Variants in NTN1 observed in about 807,000 individuals in gnomAD.
NTN1 encodes netrin-1.
In NTN1, 11 loss-of-function variants were observed where a neutral mutation model predicts 54.2. The observed-to-expected ratio is 0.20, with a 90% confidence interval of 0.13 to 0.34. The LOEUF is 0.34. Ranked by LOEUF, NTN1 falls within the 10% of genes least tolerant of loss-of-function variation. The probability of loss-of-function intolerance (pLI) is 1.00; values close to 1 mark genes in which losing one functional copy is unlikely to be tolerated. For synonymous variants in NTN1, 371 were observed against 382.0 expected, an observed-to-expected ratio of 0.97 and a Z score of 0.33; for missense variants, 740 against 893.1, an observed-to-expected ratio of 0.83 and a Z score of 2.18.
intron 2 of NTN1, among the ~76,000 whole-genome samples, chr17:9,118,288 G>T (rs1043974814): frequency 2.0e-5 from 3 of 152,218 alleles, no homozygotes; most frequent in Non-Finnish European, 2.9e-5. Flanking sequence ...GTGAGGCCGA[G>T]GTGGGTGGAT....
chr17:9,234,045 GC>G (rs1421450700), intron 6 of NTN1, among the ~76,000 whole-genome samples: 3 of 152,172 alleles, frequency 2.0e-5, no homozygotes, highest in Non-Finnish European at 2.9e-5. Context: ...GTTGACTCTG[GC>G]CCCCATGGAC....
chr17:9,155,561 A>C (rs905632003), intron 2 of NTN1, among the ~76,000 whole-genome samples: 8 of 151,816 alleles, frequency 5.3e-5, no homozygotes, highest in African/African-American at 1.9e-4. Flanking sequence ...GGCTGGTTTC[A>C]AACTCCTGAC....
chr17:9,212,365 T>C lies in NTN1; in HGVS notation c.1412-8803T>C, dbSNP rs952633863. ...ATCATGCCTCGCGCATGATGGCCCTTATGAAACCCACGGATGCCTGCGGCA... is the reference window on the plus strand; with the variant it reads ...ATCATGCCTCGCGCATGATGGCCCTCATGAAACCCACGGATGCCTGCGGCA... On this transcript the variant is annotated intron_variant, in intron 5 of 6. Transcript: ENST00000173229. This position sits in a 1 kb window ranked among gnomAD's most constrained non-coding sequence, Gnocchi z 5.5. Among the ~76,000 whole-genome samples the C allele has an allele frequency of 1.3e-5, 2 of 152,130 alleles. No homozygotes were observed. Among genetic ancestry groups the C allele is most frequent in the African/African-American group, 2.4e-5 (1 of 41,408 alleles).
chr17:9,006,386 C>T, the NTN1 span, among the ~76,000 whole-genome samples: 5 of 152,168 alleles, frequency 3.3e-5, no homozygotes, highest in African/African-American at 1.2e-4. Context: ...AAAATCAGAT[C>T]TTCGCTGAGG....
intron 2 of NTN1, among the ~76,000 whole-genome samples, 195 bp from the exon 3 acceptor site, chr17:9,162,618 T>C (rs7214739): frequency 0.71 from 107,817 of 152,152 alleles, 38,339 homozygotes; most frequent in East Asian, 0.83. Flanking sequence ...TAGCCATGTA[T>C]TGTTACGTGC....
intron 2 of NTN1, among the ~76,000 whole-genome samples, chr17:9,128,136 AAATAAATAAAT>A (rs1250795261): frequency 6.7e-6 from 1 of 150,068 alleles, no homozygotes; most frequent in Non-Finnish European, 1.5e-5. Flanking sequence ...ATAAATAAAT[AAATAAATAAAT>A]AATAATAATA....
At chr17:9,042,124 G>C (rs999014694) in intron 2 of NTN1, among the ~76,000 whole-genome samples, 1 of 152,034 alleles carries the variant, frequency 6.6e-6, no homozygotes, top group South Asian at 2.1e-4. Context: ...AACATATGGG[G>C]ATCCTAGTTT....
intron 2 of NTN1, among the ~76,000 whole-genome samples, chr17:9,103,497 C>T (rs1235827007): frequency 6.6e-6 from 1 of 152,090 alleles, no homozygotes; most frequent in Non-Finnish European, 1.5e-5. Flanking sequence ...AGGGGCTTTT[C>T]TCTCCCTTCA....
chr17:9,011,356 G>T, the NTN1 span, among the ~76,000 whole-genome samples: 1 of 152,074 alleles, frequency 6.6e-6, no homozygotes, highest in East Asian at 1.9e-4. Flanking sequence ...CTTGGCTTGT[G>T]GCTGCATGGC....
chr17:9,229,812 G>A (rs188466674), intron 6 of NTN1, among the ~76,000 whole-genome samples: 1 of 152,298 alleles, frequency 6.6e-6, no homozygotes, highest in East Asian at 1.9e-4. Flanking sequence ...CTGATGGTGA[G>A]GGGGGAGACC....
intron 2 of NTN1, among the ~76,000 whole-genome samples, chr17:9,082,263 G>A (rs941370699): frequency 2.0e-5 from 3 of 152,154 alleles, no homozygotes; most frequent in Non-Finnish European, 2.9e-5. Flanking sequence ...GTTTTGCCAC[G>A]TTGGCTAGGC....
chr17:9,031,085 A>T (rs1181490283), intron 2 of NTN1, among the ~76,000 whole-genome samples: 1 of 152,104 alleles, frequency 6.6e-6, no homozygotes, highest in Non-Finnish European at 1.5e-5. Context: ...ATGAGAGATT[A>T]TTGGTTGTTG....
chr17:9,234,005 A>G (rs935147347), intron 6 of NTN1, among the ~76,000 whole-genome samples: 12 of 152,216 alleles, frequency 7.9e-5, no homozygotes, highest in Non-Finnish European at 1.6e-4. Flanking sequence ...ATTGGCTGTA[A>G]CCAACTCCAC....
At chr17:9,168,183 G>GT (rs892592085) in intron 3 of NTN1, among the ~76,000 whole-genome samples, 1 of 152,150 alleles carries the variant, frequency 6.6e-6, no homozygotes, top group Non-Finnish European at 1.5e-5. Flanking sequence ...GAATTTAAAT[G>GT]TTTTTTATGA....
intron 2 of NTN1, among the ~76,000 whole-genome samples, chr17:9,062,329 G>A (rs1429734790): frequency 6.6e-6 from 1 of 152,186 alleles, no homozygotes; most frequent in Non-Finnish European, 1.5e-5. Flanking sequence ...TAAAGTGTTG[G>A]GATTTTCAGA....
Position 9,212,841 on chromosome 17 carries a change from C to T in NTN1, c.1412-8327C>T, listed in dbSNP as rs141251387. Among the ~76,000 whole-genome samples, 2,117 of 152,336 alleles carry T rather than the reference C, an allele frequency of 0.014. 31 individuals carry two copies. Among genetic ancestry groups the T allele is most frequent in the Middle Eastern group, 0.027 (8 of 294 alleles). Reference sequence around the variant, plus strand: ...CTGCTGAGAGCGAGACCTTTGCCAGCTCCCCGCCCTGCTCCAAGGGGAGGT... The same window carrying T: ...CTGCTGAGAGCGAGACCTTTGCCAGTTCCCCGCCCTGCTCCAAGGGGAGGT... On this transcript the variant is annotated intron_variant, in intron 5 of 6. Transcript: ENST00000173229. This position sits in a 1 kb window ranked among gnomAD's most constrained non-coding sequence, Gnocchi z 5.5.
At chr17:9,180,913 C>G (rs1414525050) in intron 4 of NTN1, among the ~76,000 whole-genome samples, 1 of 152,202 alleles carries the variant, frequency 6.6e-6, no homozygotes, top group African/African-American at 2.4e-5. Context: ...ATCCTTCTGT[C>G]CATCCAGATT....
intron 2 of NTN1, among the ~76,000 whole-genome samples, chr17:9,141,783 T>A (rs1427703408): frequency 6.6e-6 from 1 of 152,116 alleles, no homozygotes; most frequent in Non-Finnish European, 1.5e-5. Flanking sequence ...CAGTTGGGGC[T>A]GGGCACAGTG....
At chr17:9,158,083 A>T (rs2092348241) in intron 2 of NTN1, among the ~76,000 whole-genome samples, 1 of 152,188 alleles carries the variant, frequency 6.6e-6, no homozygotes, top group African/African-American at 2.4e-5. Context: ...GAGAAAAGAA[A>T]ACAAGCTGTA....
Sources: allele counts gnomAD v4.1 joint callset (sites outside exome capture counted in the v4.1 genomes callset), GRCh38; gene constraint gnomAD v4.1.1; non-coding constraint Gnocchi (gnomAD v3.1); transcripts MANE v1.5; gene names NCBI Gene and HGNC (gene_info 2026-07-23, HGNC 2026-07-21).